LRP1B: variants seen among roughly 807,000 people sequenced by gnomAD.
LRP1B encodes low-density lipoprotein receptor-related protein 1B.
In LRP1B, 217 loss-of-function variants were observed where a neutral mutation model predicts 556.6. The observed-to-expected ratio is 0.39, with a 90% CI of 0.35 to 0.44. The LOEUF (loss-of-function observed/expected upper bound fraction) is 0.44, where lower values mean the gene tolerates loss of function less well. LRP1B is among the 20% of genes least tolerant of loss of function. The pLI is 1.00. For synonymous variants in LRP1B, 2,047 were observed against 1,865.8 expected (o/e 1.10, Z -2.50); for missense variants, 5,053 against 5,620.8 (o/e 0.90, Z 3.23).
intron 2 of LRP1B, among the ~76,000 whole-genome samples, chr2:141,674,516 G>C (rs1690800861): frequency 6.6e-6 from 1 of 151,912 alleles, no homozygotes; most frequent in Admixed American, 6.6e-5. Context: ...TTCTCATAAA[G>C]CTATTCCTTC....
Position 140,442,547 on chromosome 2 carries a change from G to A in LRP1B, c.10371C>T (p.Asp3457=), listed in dbSNP as rs953684582. 1.7e-5 allele frequency: 27 copies of A among 1,613,782 alleles called. No homozygotes were observed. Among genetic ancestry groups the A allele is most frequent in the East Asian group, 2.2e-5 (1 of 44,856 alleles). Residue 3457 remains aspartate, a synonymous_variant, in exon 66 of 91, where the codon GAC becomes GAT. Transcript: ENST00000389484. The stretch of plus-strand genomic sequence containing the variant: ...ATGCATCTGCACAGTCTGGATCCTC[G>A]TCACAAACCCACAGCTTGGAAATGC... ...KHCISKLWVC[D]EDPDCADASD... is the part of the protein sequence containing the mutation.
At chr2:141,575,732 A>G (rs377745033) in intron 2 of LRP1B, among the ~76,000 whole-genome samples, 2 of 152,046 alleles carry the variant, frequency 1.3e-5, no homozygotes, top group South Asian at 4.1e-4. Flanking sequence ...ATTTATAATG[A>G]ACTTAAACAA....
chr2:141,159,762 T>A (rs1385603818), intron 7 of LRP1B, among the ~76,000 whole-genome samples: 3 of 152,170 alleles, frequency 2.0e-5, no homozygotes, highest in Admixed American at 2.0e-4. Context: ...GTTCAACATT[T>A]TAGCATTTTG....
At chr2:140,341,905 G>C (rs1415508202) in intron 77 of LRP1B, among the ~76,000 whole-genome samples, 1 of 151,338 alleles carries the variant, frequency 6.6e-6, no homozygotes, top group Non-Finnish European at 1.5e-5. Context: ...GGGGTGGATA[G>C]ACAAAACCAG....
intron 3 of LRP1B, among the ~76,000 whole-genome samples, chr2:141,474,669 T>A (rs12053264): frequency 0.51 from 77,890 of 151,950 alleles, 20,190 homozygotes; most frequent in Non-Finnish European, 0.55. Context: ...GAGTTGGTTG[T>A]TATATAAGGG....
At chr2:140,447,983 G>A (rs1052330095) in intron 63 of LRP1B, among the ~76,000 whole-genome samples, 1 of 152,048 alleles carries the variant, frequency 6.6e-6, no homozygotes, top group Non-Finnish European at 1.5e-5. Flanking sequence ...TTATGGATAT[G>A]CTCTGTGGTG....
chr2:141,480,109 T>C (rs992724824), intron 3 of LRP1B, among the ~76,000 whole-genome samples: 1 of 152,142 alleles, frequency 6.6e-6, no homozygotes, highest in Non-Finnish European at 1.5e-5. Flanking sequence ...AAAAGCACTT[T>C]TTTATATGAA....
At chr2:141,060,008 T>C (rs1372026778) in intron 8 of LRP1B, among the ~76,000 whole-genome samples, 2 of 151,840 alleles carry the variant, frequency 1.3e-5, no homozygotes, top group African/African-American at 4.8e-5. Flanking sequence ...ACACTTTTAA[T>C]ACACAGATTT....
intron 2 of LRP1B, among the ~76,000 whole-genome samples, chr2:141,536,409 GCTT>G (rs1385444067): frequency 6.6e-6 from 1 of 151,968 alleles, no homozygotes; most frequent in Non-Finnish European, 1.5e-5. Flanking sequence ...AACATTATAA[GCTT>G]GCATGATGAA....
intron 7 of LRP1B, among the ~76,000 whole-genome samples, chr2:141,130,188 A>G (rs893760555): frequency 5.3e-5 from 8 of 152,092 alleles, no homozygotes; most frequent in Non-Finnish European, 1.5e-5. Flanking sequence ...TACAATAAAC[A>G]TAGCCAAAAG....
At chr2:141,143,015 G>A (rs1013584770) in intron 7 of LRP1B, among the ~76,000 whole-genome samples, 3 of 137,942 alleles carry the variant, frequency 2.2e-5, no homozygotes, top group Non-Finnish European at 3.0e-5. Flanking sequence ...TGCAACCTCC[G>A]CCTTCCAGGT....
chr2:141,415,923 C>T (rs34827291), intron 3 of LRP1B, among the ~76,000 whole-genome samples: 22,159 of 152,076 alleles, frequency 0.15, 1,824 homozygotes, highest in South Asian at 0.27. Context: ...ACTAACATCA[C>T]GGAAGCAGGG....
At chr2:141,464,596 A>ATTTTTTTT (rs1402968531) in intron 3 of LRP1B, among the ~76,000 whole-genome samples, 1 of 33,382 alleles carries the variant, frequency 3.0e-5, no homozygotes, top group African/African-American at 6.3e-5. Context: ...ATATATATAT[A>ATTTTTTTT]TATATATATA....
chr2:141,531,688 A>C (rs999422228), intron 2 of LRP1B, among the ~76,000 whole-genome samples: 1 of 152,178 alleles, frequency 6.6e-6, no homozygotes, highest in African/African-American at 2.4e-5. Flanking sequence ...TCATCATGTT[A>C]CATAAGGATG....
chr2:142,082,844 G>A (rs1705771517), intron 1 of LRP1B, among the ~76,000 whole-genome samples: 1 of 152,182 alleles, frequency 6.6e-6, no homozygotes, highest in East Asian at 1.9e-4. Context: ...TAATATGTAT[G>A]GGAGAAGACA....
chr2:141,751,070 C>T (rs1052006663), intron 2 of LRP1B, among the ~76,000 whole-genome samples: 1 of 151,712 alleles, frequency 6.6e-6, no homozygotes, highest in Non-Finnish European at 1.5e-5. Flanking sequence ...TTTAACTCTC[C>T]CTTTCTGCAG....
At chr2:140,607,935 C>G (rs1046591771) in intron 41 of LRP1B, among the ~76,000 whole-genome samples, 1 of 151,850 alleles carries the variant, frequency 6.6e-6, no homozygotes, top group Non-Finnish European at 1.5e-5. Flanking sequence ...ATTAGACTAC[C>G]ACTAATATGA....
chr2:141,376,749 TAA>T (rs1689453573), intron 3 of LRP1B, among the ~76,000 whole-genome samples: 1 of 152,120 alleles, frequency 6.6e-6, no homozygotes, highest in African/African-American at 2.4e-5. Flanking sequence ...AAGAAAGAAA[TAA>T]CACATTATTT....
chr2:140,671,470 A>G (rs752405964), intron 41 of LRP1B, among the ~76,000 whole-genome samples: 35 of 152,284 alleles, frequency 2.3e-4, no homozygotes, highest in East Asian at 1.6e-3. Flanking sequence ...GCAGTGAGCC[A>G]AGATAGCGCC....
Sources: gnomAD v4.1 joint callset for allele counts (sites outside exome capture counted in the v4.1 genomes callset) on GRCh38, gnomAD v4.1.1 for gene constraint, MANE v1.5 for transcripts, NCBI Gene and HGNC (gene_info 2026-07-23, HGNC 2026-07-21) for gene names.